STON2: variants seen among roughly 807,000 people sequenced by gnomAD.
STON2 encodes the protein stonin 2, also known as stonin-2.
In STON2, 29 loss-of-function variants were observed where a neutral mutation model predicts 65.7. The ratio of observed to expected loss-of-function variants is 0.44; its 90% CI spans 0.33 to 0.60. The LOEUF is 0.60. Ranked by LOEUF, STON2 falls within the 20% of genes least tolerant of loss-of-function variation. The pLI is 0.03. For missense variants in STON2, 1,054 were observed against 1,118.1 expected (o/e 0.94, Z 0.82); for synonymous variants, 404 against 414.2 (o/e 0.98, Z 0.30).
chr14:81,316,654 A>T (rs1896631061), intron 5 of STON2, among the ~76,000 whole-genome samples: 1 of 152,186 alleles, frequency 6.6e-6, no homozygotes, highest in Non-Finnish European at 1.5e-5. Context: ...CTCACAGGTA[A>T]ATTTGATACA....
Position 81,390,944 on chromosome 14 carries a change from A to C in STON2, c.373+4950T>G, listed in dbSNP as rs1382361777. On this transcript the variant is annotated intron_variant, in intron 3 of 7. Transcript: ENST00000614646. ...TTCCTTGGCTGTGGCTTCATCACTA[A>C]AATCTTTAAGATCAGCATTTTCAAA... 2.0e-5 allele frequency among the ~76,000 whole-genome samples: 3 copies of C among 152,312 alleles called. No homozygotes were observed. In the South Asian group the frequency reaches 6.2e-4, roughly 32 times the overall value.
intron 4 of STON2, among the ~76,000 whole-genome samples, chr14:81,340,303 A>G (rs1036967184): frequency 2.0e-5 from 3 of 152,132 alleles, no homozygotes; most frequent in African/African-American, 7.2e-5. Flanking sequence ...GGGGTGGGGG[A>G]CAGAGAGAGA....
At position 81,398,275 on chromosome 14, in the gene STON2, G is replaced by T; in HGVS notation, c.88+20C>A. ...TTCTTTGACAATCTCTTCACTTTAG[G>T]AAACGAAGGCACTCCTTACCCTGCG... is the stretch of plus-strand genomic sequence containing the variant. On this transcript the variant is annotated intron_variant, in intron 2 of 7. Transcript: ENST00000614646. 6.3e-7 allele frequency: 1 copy of T among 1,576,834 alleles called. No homozygotes were observed. Among genetic ancestry groups the T allele is most frequent in the Non-Finnish European group, 8.7e-7 (1 of 1,149,670 alleles).
At chr14:81,332,536 G>C (rs573011411) in intron 4 of STON2, among the ~76,000 whole-genome samples, 1 of 152,244 alleles carries the variant, frequency 6.6e-6, no homozygotes, top group South Asian at 2.1e-4. Context: ...CTTACCATAT[G>C]TTCCCCACAT....
rs1894183310 is a variant in STON2, at chr14:81,262,360, C to T, written c.*6054G>A. On this transcript the variant is annotated 3_prime_UTR_variant, in exon 8 of 8. Transcript: ENST00000614646. The stretch of plus-strand genomic sequence containing the variant: ...TCCCTTTAGGGAAGCTGGCTGCTAA[C>T]ACAGCACCTGACCAGAGTAGACATT... 9 of 985,432 alleles carry T rather than the reference C, an allele frequency of 9.1e-6. No homozygotes were observed. Among genetic ancestry groups the T allele is most frequent in the Non-Finnish European group, 1.1e-5 (9 of 829,910 alleles). 61.0% of individuals were successfully genotyped at this position (985,432 alleles called of 1,614,324 possible). A position where few individuals can be genotyped will look rare whatever the true frequency, so the allele number is the denominator to read the frequency against.
intron 5 of STON2, among the ~76,000 whole-genome samples, chr14:81,322,819 G>A: frequency 6.6e-6 from 1 of 152,172 alleles, no homozygotes; most frequent in Non-Finnish European, 1.5e-5. Flanking sequence ...ATTTGCTGCA[G>A]CTCTAGAAAC....
intron 4 of STON2, among the ~76,000 whole-genome samples, chr14:81,336,517 A>G (rs1897377591): frequency 6.6e-6 from 1 of 152,060 alleles, no homozygotes; most frequent in African/African-American, 2.4e-5. Context: ...TGAAGGGCCA[A>G]AGTCAGCAAT....
Position 81,262,627 on chromosome 14 carries a change from C to T in STON2, c.*5787G>A. On this transcript the variant is annotated 3_prime_UTR_variant, in exon 8 of 8. Coordinates refer to ENST00000614646, the MANE Select transcript of STON2 (RefSeq NM_001394390.1). ...ACATCCAATGATCATTTGCCTCTCT[C>T]CAGGCACTACCAAACTCATTACTGT... The T allele has an allele frequency of 1.0e-6, 1 of 985,386 alleles. No homozygotes were observed. The highest frequency in any genetic ancestry group is 4.7e-5 in the South Asian group (1 of 21,280). The allele number at this position is 985,386 out of a possible 1,614,324, so 61.0% of individuals were successfully genotyped here.
At chr14:81,358,056 TA>T (rs898683379) in intron 4 of STON2, among the ~76,000 whole-genome samples, 9 of 149,722 alleles carry the variant, frequency 6.0e-5, no homozygotes, top group South Asian at 2.1e-4. Flanking sequence ...TTAAAAAAAT[TA>T]AAAAAAAAGA....
intron 3 of STON2, among the ~76,000 whole-genome samples, chr14:81,393,067 G>A (rs980043535): frequency 3.3e-5 from 5 of 152,152 alleles, no homozygotes; most frequent in African/African-American, 1.2e-4. Context: ...GCCTTAAAGG[G>A]TAAAGCTTTC....
At chr14:81,274,653 G>C (rs116808476) in intron 6 of STON2, among the ~76,000 whole-genome samples, 1 of 151,888 alleles carries the variant, frequency 6.6e-6, no homozygotes, top group Non-Finnish European at 1.5e-5. Flanking sequence ...ACAAAAAATA[G>C]GGCCAGGTGC....
chr14:81,278,290 G>A lies in STON2; in HGVS notation c.1192C>T (p.Arg398Cys), dbSNP rs748979974. Residue 398 changes from arginine (R) to cysteine (C), a missense_variant, in exon 6 of 8, where the codon CGC becomes TGC. Arg to Cys is a radical substitution (Grantham distance 180). Coordinates refer to ENST00000614646, the MANE Select transcript of STON2 (RefSeq NM_001394390.1). The part of the protein sequence containing the change: ...FSAFFEEQER[R>C]SQNSSISSTT... ...CTGGAAATGGAACTGTTTTGGGAGCGCCTCTCCTGCTCCTCAAAGAAAGCA... is the reference window on the plus strand; with the variant it reads ...CTGGAAATGGAACTGTTTTGGGAGCACCTCTCCTGCTCCTCAAAGAAAGCA... 5.5e-5 allele frequency: 88 copies of A among 1,613,998 alleles called. No individual in the cohort carries two copies. Among genetic ancestry groups the A allele is most frequent in the Non-Finnish European group, 6.7e-5 (79 of 1,180,020 alleles).
intron 5 of STON2, among the ~76,000 whole-genome samples, chr14:81,297,432 T>G (rs1412511961): frequency 1.3e-5 from 2 of 152,194 alleles, no homozygotes; most frequent in African/African-American, 4.8e-5. Context: ...TCTGGTATAC[T>G]GCAGCATTTG....
At chr14:81,376,707 C>T (rs561066969) in intron 3 of STON2, among the ~76,000 whole-genome samples, 1 of 152,002 alleles carries the variant, frequency 6.6e-6, no homozygotes, top group South Asian at 2.1e-4. Flanking sequence ...AGGAGAATTA[C>T]AAAATAATCT....
intron 4 of STON2, among the ~76,000 whole-genome samples, chr14:81,360,113 G>A (rs1898425047): frequency 6.6e-6 from 1 of 151,864 alleles, no homozygotes; most frequent in African/African-American, 2.4e-5. Flanking sequence ...TTTAAATAAA[G>A]AAGAATTCCA....
chr14:81,417,142 C>G (rs1948310887), intron 2 of STON2, among the ~76,000 whole-genome samples: 1 of 152,200 alleles, frequency 6.6e-6, no homozygotes, highest in Non-Finnish European at 1.5e-5. Flanking sequence ...CCCAAAAGGA[C>G]TCACTGACAC....
At position 81,264,030 on chromosome 14, in the gene STON2, G is replaced by C. The variant is rs1041178280; in HGVS notation, c.*4384C>G. On this transcript the variant is annotated 3_prime_UTR_variant, in exon 8 of 8. Coordinates refer to ENST00000614646, the MANE Select transcript of STON2 (RefSeq NM_001394390.1). ...GAAGAACAAAGACCTACTGCATGAA[G>C]ACTGGTTGTGCACTCTATCAAATGC... The C allele has an allele frequency of 4.1e-6, 4 of 985,322 alleles. No individual in the cohort carries two copies. In the South Asian group the frequency reaches 1.4e-4, roughly 35 times the overall value. The allele number at this position is 985,322 out of a possible 1,614,324, so 61.0% of individuals were successfully genotyped here.
chr14:81,324,678 T>C (rs1053327318), intron 4 of STON2, among the ~76,000 whole-genome samples: 2 of 152,228 alleles, frequency 1.3e-5, no homozygotes, highest in Non-Finnish European at 2.9e-5. Flanking sequence ...TCCCAGTGCC[T>C]ATGGACTTTG....
At position 81,261,929 on chromosome 14, in the gene STON2, T is replaced by C. The variant is rs1566874744; in HGVS notation, c.*6485A>G. The stretch of plus-strand genomic sequence containing the variant: ...GATTTGGAAGGTTGTCTGTTTCTGT[T>C]GTCTGGGGAAATGATAAAAAAAAAA... On this transcript the variant is annotated 3_prime_UTR_variant, in exon 8 of 8. Coordinates refer to ENST00000614646, the MANE Select transcript of STON2 (RefSeq NM_001394390.1). 6.9e-7 allele frequency: 1 copy of C among 1,447,532 alleles called. No individual in the cohort carries two copies. Among genetic ancestry groups the C allele is most frequent in the African/African-American group, 1.5e-5 (1 of 66,390 alleles). 89.7% of individuals were successfully genotyped at this position (1,447,532 alleles called of 1,614,324 possible). A position where few individuals can be genotyped will look rare whatever the true frequency, so the allele number is the denominator to read the frequency against.
Sources: allele counts gnomAD v4.1 joint callset (sites outside exome capture counted in the v4.1 genomes callset), GRCh38; gene constraint gnomAD v4.1.1; transcripts MANE v1.5; gene names NCBI Gene and HGNC (gene_info 2026-07-23, HGNC 2026-07-21).